TNFRSF4: variants seen among roughly 807,000 people sequenced by gnomAD.
TNFRSF4 encodes TNF receptor superfamily member 4.
A neutral mutation model predicts 29.5 loss-of-function variants in TNFRSF4; 21 were observed. The ratio of observed to expected loss-of-function variants is 0.71; its 90% CI spans 0.51 to 1.03. TNFRSF4 has a LOEUF of 1.03. TNFRSF4 is among the 50% of genes least tolerant of loss of function. The pLI is 0.00. For missense variants in TNFRSF4, 408 were observed against 387.8 expected (o/e 1.05, Z -0.44); for synonymous variants, 197 against 172.7 (o/e 1.14, Z -1.10).
chr1:1,212,757 G>C (rs1245381749), intron 3 of TNFRSF4, 53 bp from the exon 4 acceptor site: 1 of 1,441,034 alleles, frequency 6.9e-7, no homozygotes, highest in Non-Finnish European at 9.3e-7. Context: ...GGGTGCTGGG[G>C]ACATGGGGCA....
rs139254733 is a variant in TNFRSF4 at position 1,213,729 on chromosome 1, C to T, written c.202G>A (p.Gly68Arg). 2.1e-5 allele frequency: 34 copies of T among 1,601,774 alleles called. No individual in the cohort carries two copies. In the African/African-American group the frequency reaches 3.6e-4, roughly 17 times the overall value. ...ACCACGTCGTTGTAGAAGCCCGGCC[C>T]GCACGGACGGCACACCGTGTTCTGG... ...RSQNTVCRPC[G>R]PGFYNDVVSS... is the part of the protein sequence containing the mutation. Residue 68 changes from glycine to arginine, a missense_variant, in exon 2 of 7, where the codon GGG becomes AGG. Physicochemically the swap from Gly to Arg is moderately radical, Grantham distance 125. Coordinates refer to ENST00000379236, the MANE Select transcript of TNFRSF4 (RefSeq NM_003327.4).
intron 2 of TNFRSF4, 162 bp from the exon 3 acceptor site, chr1:1,213,255 G>C: frequency 6.5e-7 from 1 of 1,533,430 alleles, no homozygotes; most frequent in Non-Finnish European, 8.7e-7. Context: ...AGCCCCCGAG[G>C]CTCCTGGGCC....
rs572939257 is a variant in TNFRSF4, at chr1:1,212,129, C to T, written c.447G>A (p.Leu149=). The T allele has an allele frequency of 9.6e-5, 155 of 1,612,506 alleles. 1 individual carries two copies. The highest frequency in any genetic ancestry group is 6.6e-4 in the Middle Eastern group (4 of 6,056). ...CCGGCTGCAGGGTGTGCTTCCCAGC[C>T]AAGGTGCAGCTGTTGGGGAACAGGA... ...QACKPWTNCT[L]AGKHTLQPAS... Residue 149 remains leucine, a synonymous_variant, in exon 5 of 7, where the codon TTG becomes TTA. Transcript: ENST00000379236.
chr1:1,212,467 C>T (rs1347469059), intron 4 of TNFRSF4, among the ~76,000 whole-genome samples, 171 bp downstream of exon 4: 2 of 152,022 alleles, frequency 1.3e-5, no homozygotes, highest in African/African-American at 4.8e-5. Flanking sequence ...TGCTCCCCAA[C>T]CAGGTCCAGC....
chr1:1,212,557 T>G, intron 4 of TNFRSF4, 81 bp downstream of exon 4: 8 of 97,132 alleles, frequency 8.2e-5, no homozygotes, highest in African/African-American at 2.6e-4. Context: ...CCCCAGCCCC[T>G]CCCAGCTCCC....
chr1:1,213,068 C>T lies in TNFRSF4; in HGVS notation c.294G>A (p.Leu98=). 1 of 1,610,716 alleles carries T rather than the reference C, an allele frequency of 6.2e-7. No individual in the cohort carries two copies. The highest frequency in any genetic ancestry group is 8.5e-7 in the Non-Finnish European group (1 of 1,179,288). Reference sequence around the variant, plus strand: ...AGACTGTGTCCTGTGTGGCCGTGCACAGCTGCTTCCGCTCACTCCCACTTC... The same window carrying T: ...AGACTGTGTCCTGTGTGGCCGTGCATAGCTGCTTCCGCTCACTCCCACTTC... ...NLRSGSERKQ[L]CTATQDTVCR... Residue 98 remains leucine, a synonymous_variant, in exon 3 of 7, where the codon CTG becomes CTA. Transcript: ENST00000379236.
Position 1,212,718 on chromosome 1 carries a change from A to G in TNFRSF4, c.371-14T>C. On this transcript the variant is annotated splice_polypyrimidine_tract_variant and intron_variant, in intron 3 of 6. Transcript: ENST00000379236. ...AGGGGGCACAGTCTGCAACAAAGAT[A>G]GGGTGGTCAGGGGCTGCCCACAGGC... 1.3e-6 allele frequency: 2 copies of G among 1,533,958 alleles called. No individual in the cohort carries two copies. Among genetic ancestry groups the G allele is most frequent in the Non-Finnish European group, 1.8e-6 (2 of 1,142,082 alleles).
chr1:1,212,611 C>T, intron 4 of TNFRSF4, 27 bp downstream of exon 4: 1 of 1,490,306 alleles, frequency 6.7e-7, no homozygotes, highest in Non-Finnish European at 9.0e-7. Context: ...CCCCCAGCCC[C>T]TCCCAGCCCC....
In TNFRSF4 at chr1:1,211,752, G is replaced by A. The variant is rs1466866250; in HGVS notation, c.715C>T (p.Leu239=). The stretch of plus-strand genomic sequence containing the variant: ...GGCAGCCTCTGGTCCCTCCGGAGCA[G>A]GTACAGGGCCAGCAGGATGGCCAGG... ...GPLAILLALY[L]LRRDQRLPPD... is the part of the protein sequence containing the mutation. The change falls in exon 6 of 7, where the codon CTG becomes TTG. Residue 239 remains leucine (L), a synonymous_variant. Coordinates refer to ENST00000379236, the MANE Select transcript of TNFRSF4 (RefSeq NM_003327.4). 1 of 1,574,200 alleles carries A rather than the reference G, an allele frequency of 6.4e-7. No homozygotes were observed. Among genetic ancestry groups the A allele is most frequent in the Non-Finnish European group, 8.6e-7 (1 of 1,161,706 alleles).
At chr1:1,211,901 T>TAGGAGAAGGGGAGGG in intron 5 of TNFRSF4, 41 bp downstream of exon 5, 1 of 1,508,472 alleles carries the variant, frequency 6.6e-7, no homozygotes. Context: ...CTTCTCCTAT[T>TAGGAGAAGGGGAGGG]CGGGTTGGGG....
chr1:1,213,758 C>T lies in TNFRSF4; in HGVS notation c.173G>A (p.Arg58His), dbSNP rs370340188. The T allele has an allele frequency of 3.1e-6, 5 of 1,601,348 alleles. No individual in the cohort carries two copies. Among genetic ancestry groups the T allele is most frequent in the South Asian group, 1.1e-5 (1 of 88,980 alleles). ...CGGACGGCACACCGTGTTCTGGGAG[C>T]GGCTGCAGCGGCTCACCATCCCGTT... Reference protein sequence around the residue: ...PGNGMVSRCSRSQNTVCRPCG... With the variant: ...PGNGMVSRCSHSQNTVCRPCG... Residue 58 changes from arginine to histidine, a missense_variant, in exon 2 of 7, where the codon CGC (arginine) becomes CAC (histidine). Transcript: ENST00000379236.
At position 1,213,324 on chromosome 1, in the gene TNFRSF4, A is replaced by T. The variant is rs776703912; in HGVS notation, c.269-231T>A. 75 of 1,512,940 alleles carry T rather than the reference A, an allele frequency of 5.0e-5. No homozygotes were observed. The East Asian group carries it at 1.6e-3, about 32-fold the overall frequency. The allele number at this position is 1,512,940 out of a possible 1,614,324, so 93.7% of individuals were successfully genotyped here. ...GTGGCAGCCCCAGCCACCCTTCCCT[A>T]CCCCTCCACCGCCTCCAGCCGCCAG... On this transcript the variant is annotated intron_variant, in intron 2 of 6. Transcript: ENST00000379236.
chr1:1,211,882 C>T (rs201071109), intron 5 of TNFRSF4, 50 bp from the exon 6 acceptor site: 166 of 1,507,834 alleles, frequency 1.1e-4, no homozygotes, highest in African/African-American at 1.9e-4. Context: ...GCCCCCATGC[C>T]GCCCTCCCCT....
Position 1,211,958 on chromosome 1 carries a change from G to C in TNFRSF4, c.618C>G (p.Pro206=). ...CGCCCTTACCCCCGGGGACCTCCACGGGCCGGGTGGAGGGTCCCTGTGAGG... is the reference window on the plus strand; with the variant it reads ...CGCCCTTACCCCCGGGGACCTCCACCGGCCGGGTGGAGGGTCCCTGTGAGG... ...PRTSQGPSTR[P]VEVPGGRAVA... is the part of the protein sequence containing the mutation. The change falls in exon 5 of 7, where the codon CCC becomes CCG. Residue 206 remains proline, a synonymous_variant. Transcript: ENST00000379236. 6.3e-7 allele frequency: 1 copy of C among 1,579,588 alleles called. No individual in the cohort carries two copies. Among genetic ancestry groups the C allele is most frequent in the South Asian group, 1.1e-5 (1 of 87,636 alleles).
intron 3 of TNFRSF4, 78 bp from the exon 4 acceptor site, chr1:1,212,782 G>C: frequency 7.6e-7 from 1 of 1,323,504 alleles, no homozygotes; most frequent in Non-Finnish European, 1.0e-6. Flanking sequence ...CTGTGGGGCA[G>C]GCACTTGCCC....
chr1:1,213,488 G>C, intron 2 of TNFRSF4, 175 bp downstream of exon 2: 1 of 1,470,482 alleles, frequency 6.8e-7, no homozygotes, highest in Non-Finnish European at 9.0e-7. Context: ...GGGAGAGGGG[G>C]TGCCCCTGGG....
rs1232754523 is a variant in TNFRSF4 at position 1,213,886 on chromosome 1, G to A, written c.145+97C>T. The A allele has an allele frequency of 4.5e-5, 23 of 516,572 alleles. No homozygotes were observed. The Middle Eastern group carries it at 1.8e-3, about 41-fold the overall frequency. The allele number at this position is 516,572 out of a possible 1,614,324, so 32.0% of individuals were successfully genotyped here. ...GCCAGGCTTGGCCGGCCCCTCACCC[G>A]CCCCCTCCCCAGGACCAGCCTCCTG... On this transcript the variant is annotated intron_variant, in intron 1 of 6. Coordinates refer to ENST00000379236, the MANE Select transcript of TNFRSF4 (RefSeq NM_003327.4).
intron 4 of TNFRSF4, 36 bp from the exon 5 acceptor site, chr1:1,212,174 A>AC (rs748683115): frequency 1.9e-6 from 3 of 1,606,602 alleles, no homozygotes; most frequent in Non-Finnish European, 2.5e-6. Context: ...CAGGCCAGAA[A>AC]CCCCCTGGGA....
intron 2 of TNFRSF4, 51 bp downstream of exon 2, chr1:1,213,612 G>A: frequency 6.6e-7 from 1 of 1,526,674 alleles, no homozygotes; most frequent in Non-Finnish European, 8.8e-7. Context: ...GTGGGTGCCA[G>A]GCTGCCGCCC....
Sources: allele counts gnomAD v4.1 joint callset (sites outside exome capture counted in the v4.1 genomes callset), GRCh38; gene constraint gnomAD v4.1.1; transcripts MANE v1.5; gene names NCBI Gene and HGNC (gene_info 2026-07-23, HGNC 2026-07-21).